LINGO2: variants seen among roughly 807,000 people sequenced by gnomAD.
LINGO2 encodes the protein leucine rich repeat and Ig domain containing 2.
In LINGO2, 14 loss-of-function variants were observed where a neutral mutation model predicts 30.6. The observed-to-expected ratio is 0.46, with a 90% CI of 0.30 to 0.72. The LOEUF (loss-of-function observed/expected upper bound fraction) is 0.72, where lower values mean the gene tolerates loss of function less well. LINGO2 is among the 30% of genes least tolerant of loss of function. The pLI is 0.07. For synonymous variants in LINGO2, 317 were observed against 288.5 expected (o/e 1.10, Z -1.00); for missense variants, 729 against 751.7 (o/e 0.97, Z 0.35).
At chr9:28,945,788 C>G in the LINGO2 span, among the ~76,000 whole-genome samples, 1 of 152,074 alleles carries the variant, frequency 6.6e-6, no homozygotes, top group African/African-American at 2.4e-5. Context: ...CTCATGATAA[C>G]GGAACATTGT....
chr9:28,297,229 C>T (rs1330890212), intron 3 of LINGO2, among the ~76,000 whole-genome samples: 1 of 152,186 alleles, frequency 6.6e-6, no homozygotes, highest in Non-Finnish European at 1.5e-5. Flanking sequence ...AGTATAACTA[C>T]TTGCTTTATA....
intron 2 of LINGO2, among the ~76,000 whole-genome samples, chr9:28,440,275 A>T (rs1355463684): frequency 1.3e-5 from 2 of 152,228 alleles, no homozygotes; most frequent in Admixed American, 6.5e-5. Context: ...AATACATAAG[A>T]AATTTATAAA....
At chr9:29,042,232 G>A in the LINGO2 span, among the ~76,000 whole-genome samples, 14 of 151,690 alleles carry the variant, frequency 9.2e-5, no homozygotes, top group African/African-American at 1.5e-4. Context: ...CCTTGTCTAC[G>A]GCCATACCAC....
At chr9:28,501,254 C>A (rs908076026) in intron 1 of LINGO2, among the ~76,000 whole-genome samples, 2 of 152,086 alleles carry the variant, frequency 1.3e-5, no homozygotes, top group Non-Finnish European at 2.9e-5. Context: ...TAAGGCAGGG[C>A]AGGTGAAAGA....
chr9:28,537,571 G>T (rs1399821713), intron 1 of LINGO2, among the ~76,000 whole-genome samples: 3 of 151,770 alleles, frequency 2.0e-5, no homozygotes, highest in African/African-American at 7.2e-5. Context: ...GTTTTAAAGA[G>T]ACCTAATTTA....
At chr9:29,029,969 C>A in the LINGO2 span, among the ~76,000 whole-genome samples, 1 of 151,752 alleles carries the variant, frequency 6.6e-6, no homozygotes, top group African/African-American at 2.4e-5. Flanking sequence ...TCCTTTGCAC[C>A]AGTTGCTACA....
chr9:28,020,303 C>T (rs1255075371), intron 4 of LINGO2, among the ~76,000 whole-genome samples: 1 of 152,126 alleles, frequency 6.6e-6, no homozygotes, highest in Non-Finnish European at 1.5e-5. Flanking sequence ...CTGAGGAGGG[C>T]AGACCACTTG....
intron 3 of LINGO2, among the ~76,000 whole-genome samples, chr9:28,322,352 C>T (rs1825074790): frequency 6.6e-6 from 1 of 151,738 alleles, no homozygotes; most frequent in South Asian, 2.1e-4. Flanking sequence ...AAAAATATTA[C>T]CTGTCACAAC....
At chr9:28,391,371 G>C (rs1000767329) in intron 2 of LINGO2, among the ~76,000 whole-genome samples, 1 of 152,118 alleles carries the variant, frequency 6.6e-6, no homozygotes, top group African/African-American at 2.4e-5. Context: ...TAAGGGCTTA[G>C]TTATAAATCA....
At chr9:28,056,103 G>A (rs1311082141) in intron 4 of LINGO2, among the ~76,000 whole-genome samples, 3 of 152,142 alleles carry the variant, frequency 2.0e-5, no homozygotes, top group East Asian at 1.9e-4. Flanking sequence ...GTGAGCAAAG[G>A]CAACCTCTGA....
intron 4 of LINGO2, among the ~76,000 whole-genome samples, chr9:28,067,104 A>G (rs896066490): frequency 2.6e-5 from 4 of 152,234 alleles, no homozygotes; most frequent in South Asian, 2.1e-4. Context: ...GCCAGCACTC[A>G]AAGTTTCAAA....
At chr9:29,126,701 A>G in the LINGO2 span, among the ~76,000 whole-genome samples, 1 of 152,194 alleles carries the variant, frequency 6.6e-6, no homozygotes, top group Non-Finnish European at 1.5e-5. Flanking sequence ...GAAAAAATAC[A>G]GAACTTCGCA....
At chr9:28,581,953 C>T (rs1176810463) in intron 1 of LINGO2, among the ~76,000 whole-genome samples, 1 of 151,904 alleles carries the variant, frequency 6.6e-6, no homozygotes, top group Non-Finnish European at 1.5e-5. Flanking sequence ...CTCAATTACA[C>T]AATGATAAAC....
chr9:28,055,601 T>C (rs1211322052), intron 4 of LINGO2, among the ~76,000 whole-genome samples: 1 of 152,176 alleles, frequency 6.6e-6, no homozygotes, highest in African/African-American at 2.4e-5. Flanking sequence ...TCTCAAAATG[T>C]TTTCTCTCTA....
intron 2 of LINGO2, among the ~76,000 whole-genome samples, chr9:28,395,841 T>C (rs183869429): frequency 2.0e-5 from 3 of 152,350 alleles, no homozygotes; most frequent in East Asian, 3.9e-4. Flanking sequence ...TGGATACTTT[T>C]TTGGAACAGG....
intron 5 of LINGO2, among the ~76,000 whole-genome samples, chr9:28,000,020 G>T (rs781530843): frequency 1.3e-5 from 2 of 152,034 alleles, no homozygotes; most frequent in Non-Finnish European, 2.9e-5. Context: ...TGAGGGGATT[G>T]GATTGTTTTC....
chr9:29,004,197 C>T, the LINGO2 span, among the ~76,000 whole-genome samples: 1 of 151,918 alleles, frequency 6.6e-6, no homozygotes, highest in South Asian at 2.1e-4. Flanking sequence ...TAAGTATATG[C>T]TCATTTTACC....
At chr9:29,021,004 A>G in the LINGO2 span, among the ~76,000 whole-genome samples, 13 of 152,190 alleles carry the variant, frequency 8.5e-5, no homozygotes, top group Non-Finnish European at 1.9e-4. Context: ...AAGGTGTGGA[A>G]TCAAGGAAGT....
At chr9:29,148,293 G>A in the LINGO2 span, among the ~76,000 whole-genome samples, 1 of 152,096 alleles carries the variant, frequency 6.6e-6, no homozygotes. Flanking sequence ...ATTTCACTAA[G>A]AGAAAACAGT....
Sources: gnomAD v4.1 joint callset for allele counts (sites outside exome capture counted in the v4.1 genomes callset) on GRCh38, gnomAD v4.1.1 for gene constraint, MANE v1.5 for transcripts, NCBI Gene and HGNC (gene_info 2026-07-23, HGNC 2026-07-21) for gene names.